ZSWIM4: variants seen among roughly 807,000 people sequenced by gnomAD.
ZSWIM4 encodes zinc finger SWIM domain-containing protein 4.
Under a neutral mutation model 102.5 loss-of-function variants are expected in ZSWIM4, and 62 were observed. The ratio of observed to expected loss-of-function variants is 0.60; its 90% CI spans 0.49 to 0.75. ZSWIM4 has a LOEUF of 0.75. ZSWIM4 is among the 30% of genes least tolerant of loss of function. The pLI, the probability that ZSWIM4 is intolerant of heterozygous loss-of-function variation, is 0.00. For missense variants in ZSWIM4, 1,280 were observed against 1,529.6 expected (o/e 0.84, Z 2.72); for synonymous variants, 652 against 674.5 (o/e 0.97, Z 0.52).
Position 13,830,242 on chromosome 19 carries a change from C to T in ZSWIM4, c.2513C>T (p.Pro838Leu), listed in dbSNP as rs145674717. Residue 838 changes from proline (P) to leucine (L), a missense_variant, in exon 14 of 14, where the codon CCA (proline) becomes CTA (leucine). Transcript: ENST00000590508. ...IMQNWYSLFT[P>L]VEAATIVAVT... ...CAGAACTGGTATTCCTTATTCACAC[C>T]AGTGGAGGCGGCTACCATCGTGGCA... 1 of 1,613,968 alleles carries T rather than the reference C, an allele frequency of 6.2e-7. No homozygotes were observed. Among genetic ancestry groups the T allele is most frequent in the Non-Finnish European group, 8.5e-7 (1 of 1,180,040 alleles).
At chr19:13,802,689 C>T (rs1362310368) in intron 2 of ZSWIM4, among the ~76,000 whole-genome samples, 1 of 152,068 alleles carries the variant, frequency 6.6e-6, no homozygotes, top group East Asian at 1.9e-4. Context: ...AGTGATCCTC[C>T]CACCTCAGCC....
Position 13,814,800 on chromosome 19 carries a change from C to T in ZSWIM4, c.1466C>T (p.Ala489Val). ...CGCCAGGCCCTGCGGCTGGCAAGTGCCATCATCAACACACTCCGGCTGCAG... is the reference window on the plus strand; with the variant it reads ...CGCCAGGCCCTGCGGCTGGCAAGTGTCATCATCAACACACTCCGGCTGCAG... ...YPRQALRLAS[A>V]IINTLRLQQR... is the part of the protein sequence containing the mutation. The change falls in exon 7 of 14, where the codon GCC (alanine) becomes GTC (valine). Residue 489 changes from alanine (A) to valine (V), a missense_variant. Transcript: ENST00000590508. 7.8e-7 allele frequency: 1 copy of T among 1,283,530 alleles called. No homozygotes were observed. The highest frequency in any genetic ancestry group is 1.0e-6 in the Non-Finnish European group (1 of 984,108). The allele number at this position is 1,283,530 out of a possible 1,614,324, so 79.5% of individuals were successfully genotyped here.
intron 13 of ZSWIM4, among the ~76,000 whole-genome samples, chr19:13,829,640 C>T (rs551621571): frequency 2.6e-4 from 40 of 151,958 alleles, no homozygotes; most frequent in Non-Finnish European, 4.7e-4. Flanking sequence ...CTGGCTAATA[C>T]GGTGAAACCC....
chr19:13,829,140 C>T (rs1182611266), intron 13 of ZSWIM4, among the ~76,000 whole-genome samples: 1 of 150,424 alleles, frequency 6.6e-6, no homozygotes, highest in Admixed American at 6.6e-5. Flanking sequence ...GAGAAGCAAG[C>T]CAGGCATGGT....
intron 5 of ZSWIM4, among the ~76,000 whole-genome samples, chr19:13,810,617 C>CT (rs111618044): frequency 0.025 from 3,562 of 142,318 alleles, 85 homozygotes; most frequent in African/African-American, 0.065. Flanking sequence ...TTTCTTTTTT[C>CT]TTTTTTTTTT....
chr19:13,817,079 T>C, intron 7 of ZSWIM4, 137 bp from the exon 8 acceptor site: 1 of 1,254,052 alleles, frequency 8.0e-7, no homozygotes, highest in Non-Finnish European at 1.1e-6. Context: ...AAAAAAAAAG[T>C]TGAAGGTGAC....
At chr19:13,829,580 G>T (rs533447803) in intron 13 of ZSWIM4, among the ~76,000 whole-genome samples, 1 of 152,212 alleles carries the variant, frequency 6.6e-6, no homozygotes, top group Non-Finnish European at 1.5e-5. Flanking sequence ...GACAGAGCAA[G>T]ACTCCATCTC....
rs1474392183 is a variant in ZSWIM4, at chr19:13,832,199, G to A, written c.*1149G>A. The A allele has an allele frequency of 1.9e-5, 2 of 105,474 alleles. No homozygotes were observed. Among genetic ancestry groups the A allele is most frequent in the Non-Finnish European group, 3.5e-5 (2 of 57,570 alleles). 6.5% of individuals were successfully genotyped at this position (105,474 alleles called of 1,614,324 possible). On this transcript the variant is annotated 3_prime_UTR_variant, in exon 14 of 14. Coordinates refer to ENST00000590508, the MANE Select transcript of ZSWIM4 (RefSeq NM_001367834.3). ...TTTGAGACTGGGGTGCATCTCCAGA[G>A]CCACTCACACCCTCAACCTCGTTTC...
At chr19:13,828,074 C>T (rs887766868) in intron 12 of ZSWIM4, among the ~76,000 whole-genome samples, 2 of 152,160 alleles carry the variant, frequency 1.3e-5, no homozygotes, top group Admixed American at 1.3e-4. Flanking sequence ...AAGCAATAAG[C>T]ACCTTGCAGA....
intron 8 of ZSWIM4, 45 bp downstream of exon 8, chr19:13,817,398 T>C: frequency 6.3e-7 from 1 of 1,589,618 alleles, no homozygotes; most frequent in Non-Finnish European, 8.6e-7. Flanking sequence ...CAACCCCGCC[T>C]CGTTGGCCAC....
chr19:13,808,685 G>A, intron 3 of ZSWIM4, 151 bp from the exon 4 acceptor site: 2 of 825,434 alleles, frequency 2.4e-6, no homozygotes. Context: ...GTTGTAGTGA[G>A]CGAAGATCGT....
rs1975218953 is a variant in ZSWIM4 at position 13,814,744 on chromosome 19, T to C, written c.1410T>C (p.Arg470=). 1 of 1,288,860 alleles carries C rather than the reference T, an allele frequency of 7.8e-7. No homozygotes were observed. The highest frequency in any genetic ancestry group is 1.5e-5 in the African/African-American group (1 of 65,958). The allele number at this position is 1,288,860 out of a possible 1,614,324, so 79.8% of individuals were successfully genotyped here. The part of the protein sequence containing the change: ...LGEPFPTACA[R]VDTLRAHGYP... Reference sequence around the variant, plus strand: ...AACCTTTCCCCACTGCCTGTGCCCGTGTGGACACCCTGCGTGCCCACGGAT... The same window carrying C: ...AACCTTTCCCCACTGCCTGTGCCCGCGTGGACACCCTGCGTGCCCACGGAT... The change falls in exon 7 of 14, where the codon CGT becomes CGC. Residue 470 remains arginine, a synonymous_variant. Coordinates refer to ENST00000590508, the MANE Select transcript of ZSWIM4 (RefSeq NM_001367834.3).
rs114355642 is a variant in ZSWIM4 at position 13,831,087 on chromosome 19, G to C, written c.*37G>C. On this transcript the variant is annotated 3_prime_UTR_variant, in exon 14 of 14. Transcript: ENST00000590508. ...GTGCGTGGGAGTGGGGATCCCCCTC[G>C]CCCCTGCGTCCCCCACCCTTGCTCT... 5 of 1,521,808 alleles carry C rather than the reference G, an allele frequency of 3.3e-6. No homozygotes were observed. Among genetic ancestry groups the C allele is most frequent in the Non-Finnish European group, 4.4e-6 (5 of 1,141,026 alleles). 94.3% of individuals were successfully genotyped at this position (1,521,808 alleles called of 1,614,324 possible). A position where few individuals can be genotyped will look rare whatever the true frequency, so the allele number is the denominator to read the frequency against.
At position 13,823,356 on chromosome 19, in the gene ZSWIM4, C is replaced by T. The variant is rs1975518240; in HGVS notation, c.2071C>T (p.Leu691=). The T allele has an allele frequency of 3.7e-6, 6 of 1,613,936 alleles. No individual in the cohort carries two copies. The highest frequency in any genetic ancestry group is 2.2e-5 in the East Asian group (1 of 44,870). ...TCTCCCCTTACCCAGGCTGCCCATA[C>T]TGGAGACAGCATTTCCTGCTGGAGA... ...LALRAMRLPI[L]ETAFPAGEPH... The change falls in exon 11 of 14, where the codon CTG becomes TTG. Residue 691 remains leucine (L), a synonymous_variant. Transcript: ENST00000590508.
At chr19:13,818,868 C>CTTT (rs35655398) in intron 9 of ZSWIM4, among the ~76,000 whole-genome samples, 1 of 131,232 alleles carries the variant, frequency 7.6e-6, no homozygotes, top group Non-Finnish European at 1.6e-5. Context: ...CCTGCCTCCT[C>CTTT]TTTTTTTTTT....
rs779092374 is a variant in ZSWIM4 at position 13,825,635 on chromosome 19, C to T, written c.2301C>T (p.Asp767=). ...SPALLFKLAQ[D]ACKTATPVSA... ...CCCTGCTCTTTAAGCTGGCGCAGGA[C>T]GCCTGCAAGACAGCCACCCCGGTCA... Residue 767 remains aspartate (D), a synonymous_variant, in exon 12 of 14, where the codon GAC becomes GAT. Transcript: ENST00000590508. This position sits in a 1 kb window ranked among gnomAD's most constrained non-coding sequence, Gnocchi z 4.6. 4.6e-5 allele frequency: 74 copies of T among 1,613,930 alleles called. No individual in the cohort carries two copies. The highest frequency in any genetic ancestry group is 5.7e-5 in the Non-Finnish European group (67 of 1,180,048).
chr19:13,813,684 G>A (rs1831761242), intron 6 of ZSWIM4, among the ~76,000 whole-genome samples: 1 of 151,984 alleles, frequency 6.6e-6, no homozygotes, highest in Non-Finnish European at 1.5e-5. Flanking sequence ...ACTTTGGGAA[G>A]CTGAGGGGGG....
At position 13,830,428 on chromosome 19, in the gene ZSWIM4, C is replaced by T; in HGVS notation, c.2699C>T (p.Ser900Leu). 6.2e-7 allele frequency: 1 copy of T among 1,610,232 alleles called. No individual in the cohort carries two copies. Among genetic ancestry groups the T allele is most frequent in the Non-Finnish European group, 8.5e-7 (1 of 1,179,900 alleles). Reference sequence around the variant, plus strand: ...CTGACCCTGTGCGAGAAGAACCACTCGGCCTTCGAGGCGGCCTACCAGATC... The same window carrying T: ...CTGACCCTGTGCGAGAAGAACCACTTGGCCTTCGAGGCGGCCTACCAGATC... The part of the protein sequence containing the change: ...PALTLCEKNH[S>L]AFEAAYQIVL... The change falls in exon 14 of 14, where the codon TCG becomes TTG. Residue 900 changes from serine (S) to leucine (L), a missense_variant. By Grantham distance (145) the Ser-to-Leu change is moderately radical. Transcript: ENST00000590508.
chr19:13,819,287 G>T, intron 9 of ZSWIM4, 70 bp from the exon 10 acceptor site: 2 of 1,590,158 alleles, frequency 1.3e-6, no homozygotes, highest in South Asian at 1.2e-5. Context: ...AAAGCCTGGG[G>T]TCTAGTGAGA....
Sources: gnomAD v4.1 joint callset for allele counts (sites outside exome capture counted in the v4.1 genomes callset) on GRCh38, gnomAD v4.1.1 for gene constraint, Gnocchi (gnomAD v3.1) non-coding constraint, MANE v1.5 for transcripts, NCBI Gene and HGNC (gene_info 2026-07-23, HGNC 2026-07-21) for gene names.